MTMR12: variants seen among roughly 807,000 people sequenced by gnomAD.
The protein encoded by MTMR12 is myotubularin related protein 12, also known as myotubularin-related protein 12.
MTMR12 carries 33 observed loss-of-function variants against 96.7 expected under a neutral mutation model. The observed-to-expected ratio is 0.34, with a 90% confidence interval of 0.26 to 0.46. The LOEUF (loss-of-function observed/expected upper bound fraction) is 0.46. MTMR12 is among the 20% of genes least tolerant of loss of function. The probability of loss-of-function intolerance (pLI) is 1.00; values close to 1 mark genes in which losing one functional copy is unlikely to be tolerated. For missense variants in MTMR12, 721 were observed against 896.1 expected (o/e 0.80, Z 2.49); for synonymous variants, 298 against 327.2 (o/e 0.91, Z 0.96).
In MTMR12 at chr5:32,233,674, G is replaced by C; in HGVS notation, c.1674+99C>G. 6.6e-7 allele frequency: 1 copy of C among 1,511,446 alleles called. No homozygotes were observed. Among genetic ancestry groups the C allele is most frequent in the Non-Finnish European group, 9.1e-7 (1 of 1,099,398 alleles). The allele number at this position is 1,511,446 out of a possible 1,614,324, so 93.6% of individuals were successfully genotyped here. A position where few individuals can be genotyped will look rare whatever the true frequency, so the allele number is the denominator to read the frequency against. On this transcript the variant is annotated intron_variant, in intron 15 of 15. Transcript: ENST00000382142. The surrounding 1 kb of genome is among the most constrained non-coding windows in gnomAD (Gnocchi z 5.0). ...CTCAACTCTGCAGACTGCTTCGAGGGGTAGAAAATGCTGGCAGACAGAATC... is the reference window on the plus strand; with the variant it reads ...CTCAACTCTGCAGACTGCTTCGAGGCGTAGAAAATGCTGGCAGACAGAATC...
chr5:32,274,146 T>A (rs1749956266), intron 2 of MTMR12, 24 bp from the exon 3 acceptor site: 2 of 1,611,066 alleles, frequency 1.2e-6, no homozygotes, highest in Admixed American at 1.7e-5. Context: ...AAACAGGTCC[T>A]CCTTAGAGTT....
chr5:32,235,817 T>C (rs1748205746), intron 13 of MTMR12, among the ~76,000 whole-genome samples: 2 of 152,210 alleles, frequency 1.3e-5, no homozygotes, highest in South Asian at 4.1e-4. Context: ...TAGTTTCTAG[T>C]GTGCTTTATC....
Position 32,249,027 on chromosome 5 carries a change from T to G in MTMR12, c.790-149A>C, listed in dbSNP as rs73752850. The stretch of plus-strand genomic sequence containing the variant: ...TAACTTTATTAAGCCTGGGAGTATT[T>G]AGTCACAATGAAAAAGAATGATTTA... On this transcript the variant is annotated intron_variant, in intron 8 of 15. Transcript: ENST00000382142. The G allele has an allele frequency of 2.1e-3, 1,354 of 636,892 alleles. 13 individuals carry two copies. Among genetic ancestry groups the G allele is most frequent in the African/African-American group, 0.018 (984 of 55,368 alleles). The allele number at this position is 636,892 out of a possible 1,614,324, so 39.5% of individuals were successfully genotyped here. A position where few individuals can be genotyped will look rare whatever the true frequency, so the allele number is the denominator to read the frequency against.
chr5:32,261,966 G>A (rs1258992192), intron 7 of MTMR12, among the ~76,000 whole-genome samples: 3 of 152,134 alleles, frequency 2.0e-5, no homozygotes, highest in Admixed American at 1.3e-4. Context: ...AAGCTACTCA[G>A]GAGGCTGAGG....
intron 1 of MTMR12, among the ~76,000 whole-genome samples, chr5:32,296,847 A>G (rs1457652645): frequency 7.3e-5 from 11 of 151,568 alleles, no homozygotes; most frequent in Admixed American, 7.2e-4. Flanking sequence ...TCACGCCTGT[A>G]ATCCCAGCAC....
At chr5:32,250,059 G>C (rs1027652477) in intron 8 of MTMR12, among the ~76,000 whole-genome samples, 1 of 152,224 alleles carries the variant, frequency 6.6e-6, no homozygotes, top group South Asian at 2.1e-4. Flanking sequence ...CCATGTGTTG[G>C]ATATGCTAGC....
chr5:32,292,575 A>C (rs1013857330), intron 1 of MTMR12, among the ~76,000 whole-genome samples: 17 of 152,242 alleles, frequency 1.1e-4, no homozygotes, highest in African/African-American at 4.1e-4. Flanking sequence ...AAATGAAAAC[A>C]GTCTACTCTC....
At chr5:32,269,158 C>T (rs561019268) in intron 5 of MTMR12, among the ~76,000 whole-genome samples, 5 of 151,990 alleles carry the variant, frequency 3.3e-5, no homozygotes, top group African/African-American at 2.4e-5. Flanking sequence ...TCCAGAGTAG[C>T]TGGGATTACA....
chr5:32,275,324 T>C (rs1421860324), intron 2 of MTMR12, among the ~76,000 whole-genome samples: 1 of 152,170 alleles, frequency 6.6e-6, no homozygotes, highest in Admixed American at 6.5e-5. Context: ...GGGTTTAAAA[T>C]AGTCCCAGAA....
intron 1 of MTMR12, among the ~76,000 whole-genome samples, chr5:32,295,135 T>C (rs1349442192): frequency 6.6e-6 from 1 of 152,236 alleles, no homozygotes; most frequent in African/African-American, 2.4e-5. Context: ...ACCCCACTCC[T>C]GGCCAGAAGG....
chr5:32,293,018 T>C (rs1389025750), intron 1 of MTMR12, among the ~76,000 whole-genome samples: 1 of 152,224 alleles, frequency 6.6e-6, no homozygotes, highest in Non-Finnish European at 1.5e-5. Flanking sequence ...CTTTATGTAA[T>C]GGTATTTGGG....
At chr5:32,310,466 G>C (rs1224696971) in intron 1 of MTMR12, among the ~76,000 whole-genome samples, 1 of 152,162 alleles carries the variant, frequency 6.6e-6, no homozygotes, top group Non-Finnish European at 1.5e-5. Flanking sequence ...GTACTATTCA[G>C]CCATAAAAAA....
At chr5:32,255,891 G>T in intron 7 of MTMR12, 123 bp from the exon 8 acceptor site, 1 of 801,120 alleles carries the variant, frequency 1.2e-6, no homozygotes, top group Non-Finnish European at 2.0e-6. Flanking sequence ...ATATTTCCCT[G>T]TTCAGAACCA....
At chr5:32,255,097 C>T (rs1240785522) in intron 8 of MTMR12, among the ~76,000 whole-genome samples, 3 of 152,172 alleles carry the variant, frequency 2.0e-5, no homozygotes, top group Non-Finnish European at 4.4e-5. Flanking sequence ...ATGGGAGTGA[C>T]CCTTTTGGTG....
chr5:32,310,947 C>T (rs983643516), intron 1 of MTMR12, among the ~76,000 whole-genome samples: 4 of 151,038 alleles, frequency 2.6e-5, no homozygotes, highest in Admixed American at 2.6e-4. Context: ...GATCTCGGCT[C>T]ACTGCAACCT....
intron 1 of MTMR12, among the ~76,000 whole-genome samples, chr5:32,279,419 C>CA (rs961473340): frequency 5.4e-5 from 8 of 148,110 alleles, no homozygotes; most frequent in African/African-American, 1.2e-4. Context: ...AACCGTGTCT[C>CA]AAAAAAAAAA....
In MTMR12 at chr5:32,276,663, A is replaced by G; in HGVS notation, c.142+19T>C. ...GGCTTTGCCTTGCATAGGAGTTACT[A>G]TGCTAACATGACAGTTACCTGGCAA... is the stretch of plus-strand genomic sequence containing the variant. On this transcript the variant is annotated intron_variant, in intron 2 of 15. Coordinates refer to ENST00000382142, the MANE Select transcript of MTMR12 (RefSeq NM_001040446.3). 6.2e-7 allele frequency: 1 copy of G among 1,607,210 alleles called. No homozygotes were observed. Among genetic ancestry groups the G allele is most frequent in the Non-Finnish European group, 8.5e-7 (1 of 1,173,782 alleles).
At chr5:32,264,863 T>G (rs998184780) in intron 6 of MTMR12, among the ~76,000 whole-genome samples, 3 of 151,990 alleles carry the variant, frequency 2.0e-5, no homozygotes, top group Non-Finnish European at 4.4e-5. Context: ...AAAGGTCAAG[T>G]AACTTGCCTA....
intron 1 of MTMR12, among the ~76,000 whole-genome samples, chr5:32,299,788 C>G (rs572754777): frequency 6.6e-6 from 1 of 152,224 alleles, no homozygotes; most frequent in African/African-American, 2.4e-5. Context: ...CACCATCACA[C>G]ATGTGTGCAC....
Sources: gnomAD v4.1 joint callset for allele counts (sites outside exome capture counted in the v4.1 genomes callset) on GRCh38, gnomAD v4.1.1 for gene constraint, Gnocchi (gnomAD v3.1) non-coding constraint, MANE v1.5 for transcripts, NCBI Gene and HGNC (gene_info 2026-07-23, HGNC 2026-07-21) for gene names.